Variants in ATG3 observed in about 807,000 individuals in gnomAD.
ATG3 encodes autophagy related 3.
In ATG3, 25 loss-of-function variants were observed where a neutral mutation model predicts 50.7. The observed-to-expected ratio is 0.49, with a 90% confidence interval of 0.36 to 0.69. The LOEUF is 0.69. Among genes scored for constraint, ATG3 ranks in the 30% least tolerant of loss-of-function variants. The probability of loss-of-function intolerance (pLI) is 0.00; values close to 1 mark genes in which losing one functional copy is unlikely to be tolerated. For synonymous variants in ATG3, 119 were observed against 125.5 expected (o/e 0.95, Z 0.34); for missense variants, 281 against 376.0 (o/e 0.75, Z 2.09).
At chr3:112,534,207 T>A in intron 11 of ATG3, 62 bp downstream of exon 11, 1 of 1,496,608 alleles carries the variant, frequency 6.7e-7, no homozygotes, top group Non-Finnish European at 9.0e-7. Context: ...TACACTAAAT[T>A]TCTCAAAAAA....
intron 5 of ATG3, among the ~76,000 whole-genome samples, chr3:112,544,564 G>GA (rs1319512064): frequency 6.8e-6 from 1 of 146,788 alleles, no homozygotes; most frequent in Non-Finnish European, 1.5e-5. Context: ...TGAGACAGGA[G>GA]AATCGCTTGG....
chr3:112,540,716 T>A (rs1303023504), intron 7 of ATG3, among the ~76,000 whole-genome samples: 5 of 142,542 alleles, frequency 3.5e-5, no homozygotes, highest in African/African-American at 7.8e-5. Flanking sequence ...GAAGAAAGAG[T>A]CCAGGAAAGA....
chr3:112,544,937 T>C (rs1239650285), intron 5 of ATG3, among the ~76,000 whole-genome samples: 1 of 152,202 alleles, frequency 6.6e-6, no homozygotes, highest in Non-Finnish European at 1.5e-5. Flanking sequence ...CAAAAAGTTT[T>C]GGCTTTTGGA....
intron 1 of ATG3, among the ~76,000 whole-genome samples, chr3:112,559,033 C>A (rs577240308): frequency 1.3e-5 from 2 of 152,266 alleles, no homozygotes; most frequent in Non-Finnish European, 2.9e-5. Flanking sequence ...GCCACTGCGC[C>A]CGGCCAAGCT....
intron 2 of ATG3, 39 bp from the exon 3 acceptor site, chr3:112,553,368 A>T: frequency 1.3e-6 from 2 of 1,583,138 alleles, no homozygotes; most frequent in South Asian, 1.1e-5. Flanking sequence ...AAAAGGAAAA[A>T]GAAAAATCAA....
At chr3:112,544,219 A>G in intron 5 of ATG3, 113 bp from the exon 6 acceptor site, 2 of 832,148 alleles carry the variant, frequency 2.4e-6, no homozygotes, top group Non-Finnish European at 3.8e-6. Context: ...TGAAATAAGG[A>G]GGCAAATAAT....
At chr3:112,541,017 G>A (rs1434244507) in intron 7 of ATG3, among the ~76,000 whole-genome samples, 1 of 152,140 alleles carries the variant, frequency 6.6e-6, no homozygotes, top group Non-Finnish European at 1.5e-5. Context: ...ATTCACTAAT[G>A]CAGTGATTCT....
At chr3:112,546,876 A>G (rs1489120230) in intron 5 of ATG3, among the ~76,000 whole-genome samples, 1 of 152,218 alleles carries the variant, frequency 6.6e-6, no homozygotes, top group Non-Finnish European at 1.5e-5. Context: ...AATTACTTTT[A>G]AAAGTTTTTC....
chr3:112,536,274 T>C, intron 10 of ATG3: 1 of 577,666 alleles, frequency 1.7e-6, no homozygotes, highest in Non-Finnish European at 2.9e-6. Context: ...CATATTAAAC[T>C]TAAAACAAAT....
In ATG3 at chr3:112,553,304, A is replaced by G; in HGVS notation, c.140T>C (p.Val47Ala). ...EEFVAAGDHL[V>A]HHCPTWQWAT... ...CCATTGCCATGTTGGACAGTGGTGG[A>G]CTAGGTGATCTCCAGCTGCCACAAA... The change falls in exon 3 of 12, where the codon GTC (valine) becomes GCC (alanine). Residue 47 changes from valine to alanine, a missense_variant. This residue lies in a region of ATG3 where 17 missense variants were observed against 48.2 expected (regional missense o/e 0.35). Coordinates refer to ENST00000283290, the MANE Select transcript of ATG3 (RefSeq NM_022488.5). The G allele has an allele frequency of 6.2e-7, 1 of 1,612,128 alleles. No individual in the cohort carries two copies. Among genetic ancestry groups the G allele is most frequent in the East Asian group, 2.2e-5 (1 of 44,854 alleles).
chr3:112,553,523 G>C (rs1043687197), intron 2 of ATG3, among the ~76,000 whole-genome samples, 194 bp from the exon 3 acceptor site: 5 of 152,142 alleles, frequency 3.3e-5, no homozygotes, highest in Non-Finnish European at 7.4e-5. Flanking sequence ...AAACTGCAAT[G>C]TTTTCTAATG....
chr3:112,534,129 T>A, intron 11 of ATG3, 140 bp downstream of exon 11: 1 of 1,417,300 alleles, frequency 7.1e-7, no homozygotes, highest in Non-Finnish European at 9.2e-7. Context: ...TCTAAATAAA[T>A]GAAAGACTTC....
Position 112,561,509 on chromosome 3 carries a change from G to A in ATG3, c.20C>T (p.Thr7Ile). 3 of 1,543,388 alleles carry A rather than the reference G, an allele frequency of 1.9e-6. No individual in the cohort carries two copies. The highest frequency in any genetic ancestry group is 2.6e-6 in the Non-Finnish European group (3 of 1,137,138). The change falls in exon 1 of 12, where the codon ACT becomes ATT. Residue 7 changes from threonine (T) to isoleucine (I), a missense_variant. By Grantham distance (89) the Thr-to-Ile change is moderately conservative. Transcript: ENST00000283290. ...CACTTCCAGTGCCTTTCCCTTCACA[G>A]TATTAATCACATTCTGCATCCTGGG... is the stretch of plus-strand genomic sequence containing the variant. Reference protein sequence around the residue: MQNVINTVKGKALEVAE... With the variant: MQNVINIVKGKALEVAE...
At chr3:112,540,817 TA>T (rs1270535861) in intron 7 of ATG3, among the ~76,000 whole-genome samples, 1 of 151,988 alleles carries the variant, frequency 6.6e-6, no homozygotes, top group Non-Finnish European at 1.5e-5. Flanking sequence ...GTAAGTGTAA[TA>T]AAGATAAACT....
Position 112,544,070 on chromosome 3 carries a change from G to A in ATG3, c.380C>T (p.Thr127Ile). 1 of 1,600,742 alleles carries A rather than the reference G, an allele frequency of 6.2e-7. No individual in the cohort carries two copies. The highest frequency in any genetic ancestry group is 8.6e-7 in the Non-Finnish European group (1 of 1,168,792). ...ATTAACCAGTACCTTATTTTCCAGT[G>A]TGATCTCTTTAACGGCTTCCGTTAT... ...TGITEAVKEI[T>I]LENKDNIRLQ... Residue 127 changes from threonine to isoleucine, a missense_variant, in exon 6 of 12, where the codon ACA becomes ATA. This residue lies in a region of ATG3 where 242 missense variants were observed against 305.0 expected (regional missense o/e 0.79). Transcript: ENST00000283290.
chr3:112,553,913 A>G (rs890497723), intron 2 of ATG3, among the ~76,000 whole-genome samples: 12 of 152,200 alleles, frequency 7.9e-5, no homozygotes, highest in African/African-American at 2.7e-4. Flanking sequence ...GGAAAAAGTT[A>G]GAAGCTTTTT....
chr3:112,547,913 T>C (rs1213688126), intron 5 of ATG3, among the ~76,000 whole-genome samples: 1 of 152,248 alleles, frequency 6.6e-6, no homozygotes, highest in Non-Finnish European at 1.5e-5. Flanking sequence ...AGCAATGGAA[T>C]GACAATGACA....
At chr3:112,558,524 T>C (rs574729403) in intron 1 of ATG3, 107 bp from the exon 2 acceptor site, 8 of 841,906 alleles carry the variant, frequency 9.5e-6, no homozygotes, top group Middle Eastern at 3.1e-4. Context: ...ATAGAGCACA[T>C]ACAAAAAAAA....
In ATG3 at chr3:112,532,981, C is replaced by T. The variant is rs540738923; in HGVS notation, c.864-201G>A. On this transcript the variant is annotated intron_variant, in intron 11 of 11. Coordinates refer to ENST00000283290, the MANE Select transcript of ATG3 (RefSeq NM_022488.5). ...CTTTAAGACTACCTGACCACTCATT[C>T]GATTATTGAATTTGAAACTTCTTAA... is the stretch of plus-strand genomic sequence containing the variant. 7.9e-5 allele frequency: 94 copies of T among 1,195,514 alleles called. No homozygotes were observed. In the African/African-American group the frequency reaches 1.4e-3, roughly 17 times the overall value. The allele number at this position is 1,195,514 out of a possible 1,614,324, so 74.1% of individuals were successfully genotyped here. A position where few individuals can be genotyped will look rare whatever the true frequency, so the allele number is the denominator to read the frequency against.
Sources: allele counts gnomAD v4.1 joint callset (sites outside exome capture counted in the v4.1 genomes callset), GRCh38; gene constraint gnomAD v4.1.1; regional missense constraint gnomAD v4.1.1; transcripts MANE v1.5; gene names NCBI Gene and HGNC (gene_info 2026-07-23, HGNC 2026-07-21).